RABGAP1L: variants seen among roughly 807,000 people sequenced by gnomAD.
RABGAP1L encodes the protein rab GTPase-activating protein 1-like.
RABGAP1L carries 63 observed loss-of-function variants against 137.7 expected under a neutral mutation model. The ratio of observed to expected loss-of-function variants is 0.46; its 90% CI spans 0.37 to 0.56. RABGAP1L has a LOEUF of 0.56. Among genes scored for constraint, RABGAP1L ranks in the 20% least tolerant of loss-of-function variants. The probability of loss-of-function intolerance (pLI) is 0.00; values close to 1 mark genes in which losing one functional copy is unlikely to be tolerated. For missense variants in RABGAP1L, 1,095 were observed against 1,244.0 expected (o/e 0.88, Z 1.80); for synonymous variants, 431 against 433.7 (o/e 0.99, Z 0.08).
rs767485236 is a variant in RABGAP1L at position 174,992,798 on chromosome 1, TTTAG to T, written c.*2801_*2804del. On this transcript the variant is annotated 3_prime_UTR_variant, in exon 26 of 26. Coordinates refer to ENST00000681986, the MANE Select transcript of RABGAP1L (RefSeq NM_001366446.1). ...GCATGAAGTAACTCCTAGTTTTAAT[TTTAG>T]TTATTTTGAGATATATTTGAGAATT... 7.2e-5 allele frequency: 11 copies of T among 152,212 alleles called. No homozygotes were observed. The highest frequency in any genetic ancestry group is 1.5e-4 in the Non-Finnish European group (10 of 68,036). The allele number at this position is 152,212 out of a possible 1,614,324, so 9.4% of individuals were successfully genotyped here.
At chr1:174,323,602 G>A (rs933197248) in intron 11 of RABGAP1L, among the ~76,000 whole-genome samples, 2 of 151,990 alleles carry the variant, frequency 1.3e-5, no homozygotes, top group Admixed American at 6.6e-5. Flanking sequence ...TTCCACTATT[G>A]TTTAGGGAGC....
chr1:174,932,008 TTTTTTTG>T (rs1190733240), intron 19 of RABGAP1L, among the ~76,000 whole-genome samples: 2 of 144,938 alleles, frequency 1.4e-5, no homozygotes, highest in African/African-American at 5.2e-5. Flanking sequence ...TTTTTTTTTT[TTTTTTTG>T]CCTGTCCAGT....
intron 21 of RABGAP1L, among the ~76,000 whole-genome samples, chr1:174,970,316 G>C (rs1670025301): frequency 6.6e-6 from 1 of 152,332 alleles, no homozygotes; most frequent in South Asian, 2.1e-4. Context: ...GTGCTATAAT[G>C]AAAGTCTTGG....
At chr1:174,557,175 C>T (rs1040126717) in intron 13 of RABGAP1L, among the ~76,000 whole-genome samples, 1 of 152,166 alleles carries the variant, frequency 6.6e-6, no homozygotes, top group African/African-American at 2.4e-5. Flanking sequence ...CTAAGTGTAG[C>T]TTGGAGGTTC....
intron 13 of RABGAP1L, among the ~76,000 whole-genome samples, chr1:174,467,593 T>C (rs1286752219): frequency 6.6e-6 from 1 of 152,158 alleles, no homozygotes; most frequent in African/African-American, 2.4e-5. Context: ...AGAGCTACTG[T>C]ATGACAAGTA....
At chr1:174,264,816 G>A (rs930937351) in intron 7 of RABGAP1L, among the ~76,000 whole-genome samples, 1 of 151,336 alleles carries the variant, frequency 6.6e-6, no homozygotes, top group Non-Finnish European at 1.5e-5. Flanking sequence ...AATATAGACT[G>A]TAGATAAAAG....
intron 11 of RABGAP1L, among the ~76,000 whole-genome samples, chr1:174,370,463 C>CTTTTTTTTT (rs1183875194): frequency 2.6e-5 from 1 of 37,872 alleles, no homozygotes; most frequent in African/African-American, 1.1e-4. Flanking sequence ...TTAAAAATAC[C>CTTTTTTTTT]TTTTTTTTTT....
At chr1:174,906,163 A>G (rs546462712) in intron 19 of RABGAP1L, among the ~76,000 whole-genome samples, 1 of 152,174 alleles carries the variant, frequency 6.6e-6, no homozygotes, top group East Asian at 2.0e-4. Flanking sequence ...GACTGTAGGC[A>G]TGTGCCAACT....
chr1:174,905,370 A>G (rs1658875539), intron 19 of RABGAP1L, among the ~76,000 whole-genome samples: 1 of 152,234 alleles, frequency 6.6e-6, no homozygotes, highest in Non-Finnish European at 1.5e-5. Context: ...CACCATCATA[A>G]CAAAGAAGAG....
At chr1:174,878,925 G>GTTTTTTTTT (rs869251284) in intron 19 of RABGAP1L, among the ~76,000 whole-genome samples, 28 of 85,148 alleles carry the variant, frequency 3.3e-4, no homozygotes, top group African/African-American at 6.4e-4. Flanking sequence ...TTTGTGCATT[G>GTTTTTTTTT]TTTTTTTTTT....
At chr1:174,412,678 C>A (rs528320308) in intron 13 of RABGAP1L, among the ~76,000 whole-genome samples, 3 of 152,160 alleles carry the variant, frequency 2.0e-5, no homozygotes, top group Admixed American at 6.6e-5. Flanking sequence ...TCCCTTAGCA[C>A]TTGCTCGTCT....
At chr1:174,399,064 CAA>C (rs1648229980) in intron 13 of RABGAP1L, among the ~76,000 whole-genome samples, 1 of 152,072 alleles carries the variant, frequency 6.6e-6, no homozygotes, top group African/African-American at 2.4e-5. Flanking sequence ...TTCATACAAA[CAA>C]TATAGAAATG....
At chr1:174,371,182 CTATCTTAA>C (rs1003654074) in intron 12 of RABGAP1L, 110 bp downstream of exon 12, 30 of 475,230 alleles carry the variant, frequency 6.3e-5, no homozygotes, top group African/African-American at 5.3e-4. Context: ...ATATTAAAAT[CTATCTTAA>C]TATCTTAATA....
At chr1:174,946,930 A>T (rs1666901595) in intron 19 of RABGAP1L, among the ~76,000 whole-genome samples, 1 of 73,434 alleles carries the variant, frequency 1.4e-5, no homozygotes, top group African/African-American at 5.7e-5. Flanking sequence ...ATATATATAT[A>T]TATATATATA....
Position 174,220,974 on chromosome 1 carries a change from A to G in RABGAP1L, c.141A>G (p.Ile47Met), listed in dbSNP as rs764562653. The G allele has an allele frequency of 6.2e-7, 1 of 1,603,194 alleles. No homozygotes were observed. Among genetic ancestry groups the G allele is most frequent in the South Asian group, 1.1e-5 (1 of 89,162 alleles). The part of the protein sequence containing the change: ...TKHEEKPQLK[I>M]VSNGDEQLEK... The stretch of plus-strand genomic sequence containing the variant: ...GAATTGTCTTGCTGTGTCTGTAGAT[A>G]GTTTCTAATGGTGATGAACAATTGG... The change falls in exon 3 of 26, where the codon ATA becomes ATG. Residue 47 changes from isoleucine (I) to methionine (M), a missense_variant and splice_region_variant. Physicochemically the swap from Ile to Met is conservative, Grantham distance 10. Around this residue, in one of 4 missense-constraint regions of RABGAP1L, gnomAD observed 356 missense variants for 326.3 expected, o/e 1.09. Transcript: ENST00000681986.
At position 174,359,751 on chromosome 1, in the gene RABGAP1L, G is replaced by A. The variant is rs545892918; in HGVS notation, c.1466-11228G>A. Among the ~76,000 whole-genome samples, 5 of 152,222 alleles carry A rather than the reference G, an allele frequency of 3.3e-5. No individual in the cohort carries two copies. In the South Asian group the frequency reaches 1.0e-3, roughly 32 times the overall value. On this transcript the variant is annotated intron_variant, in intron 11 of 25. Transcript: ENST00000681986. ...TAACCTTTTATCATTTATTAGCACG[G>A]TAACCTTGGGCAAGTTACTTAACCT...
chr1:174,887,610 C>CT (rs1212850417), intron 19 of RABGAP1L, among the ~76,000 whole-genome samples: 1 of 94,694 alleles, frequency 1.1e-5, no homozygotes, highest in Non-Finnish European at 1.9e-5. Context: ...TTTGCAAAAA[C>CT]TTGGGGGGGG....
At chr1:174,848,575 G>C (rs1647497874) in intron 19 of RABGAP1L, among the ~76,000 whole-genome samples, 1 of 148,118 alleles carries the variant, frequency 6.8e-6, no homozygotes, top group East Asian at 2.0e-4. Context: ...TGAGGAGGCA[G>C]TCTGCCCGTT....
intron 10 of RABGAP1L, among the ~76,000 whole-genome samples, chr1:174,284,734 C>CTTTTTTTTTTTTT (rs59344382): frequency 9.4e-5 from 4 of 42,610 alleles, no homozygotes; most frequent in Non-Finnish European, 1.4e-4. Flanking sequence ...TATTTCTTGT[C>CTTTTTTTTTTTTT]TTTTTTTTTT....
Sources: allele counts gnomAD v4.1 joint callset (sites outside exome capture counted in the v4.1 genomes callset), GRCh38; gene constraint gnomAD v4.1.1; regional missense constraint gnomAD v4.1.1; transcripts MANE v1.5; gene names NCBI Gene and HGNC (gene_info 2026-07-23, HGNC 2026-07-21).